The following NBEA variants were observed in gnomAD, a reference collection of about 807,000 sequenced individuals.
The protein encoded by NBEA is lysosomal-trafficking regulator 2.
A neutral mutation model predicts 343.4 loss-of-function variants in NBEA; 44 were observed. That is an observed-to-expected ratio of 0.13 (90% CI 0.10 to 0.16). NBEA has a LOEUF of 0.16. NBEA is among the 10% of genes least tolerant of loss of function. NBEA has a pLI of 1.00. For synonymous variants in NBEA, 1,175 were observed against 1,238.7 expected, an observed-to-expected ratio of 0.95 and a Z score of 1.08; for missense variants, 2,555 against 3,631.3, an observed-to-expected ratio of 0.70 and a Z score of 7.62.
rs759008760 is a variant in NBEA, at chr13:35,140,968, C to CT, written c.2337-1299dup. 5.3e-3 allele frequency among the ~76,000 whole-genome samples: 804 copies of CT among 152,258 alleles called. 3 individuals are homozygous for CT. Among genetic ancestry groups the CT allele is most frequent in the Non-Finnish European group, 8.4e-3 (571 of 68,030 alleles). On this transcript the variant is annotated intron_variant, in intron 17 of 58. Transcript: ENST00000379939. ...CCTTCTGTGGATTCTGTGTTGCTGG[C>CT]TTGGGGAAAGAGCATGGAAAATGTG...
At chr13:35,514,638 CTG>C (rs2077413988) in intron 41 of NBEA, among the ~76,000 whole-genome samples, 1 of 152,132 alleles carries the variant, frequency 6.6e-6, no homozygotes, top group African/African-American at 2.4e-5. Flanking sequence ...GAAATGGAAT[CTG>C]TTCATTTTTG....
chr13:35,192,370 C>G (rs1030276695), intron 30 of NBEA, among the ~76,000 whole-genome samples: 6 of 151,878 alleles, frequency 4.0e-5, no homozygotes, highest in Non-Finnish European at 7.4e-5. Flanking sequence ...GACTACTGAT[C>G]TGTTTTTTTA....
Position 35,461,721 on chromosome 13 carries a change from G to A in NBEA, c.6448+9486G>A, listed in dbSNP as rs915199783. Among the ~76,000 whole-genome samples the A allele has an allele frequency of 3.9e-5, 6 of 152,202 alleles. 1 individual carries two copies. The South Asian group carries it at 6.2e-4, about 16-fold the overall frequency. ...GGTCCTCTCCCTGAAAGACTTTGCC[G>A]CTTACTCAAACATAAAGTTAAAAAG... On this transcript the variant is annotated intron_variant, in intron 40 of 58. Coordinates refer to ENST00000379939, the MANE Select transcript of NBEA (RefSeq NM_001385012.1).
intron 34 of NBEA, among the ~76,000 whole-genome samples, chr13:35,284,513 A>G (rs2035290441): frequency 6.6e-6 from 1 of 152,218 alleles, no homozygotes; most frequent in Non-Finnish European, 1.5e-5. Context: ...CAGTTTTAAA[A>G]TAAAATACTT....
At chr13:35,447,455 A>T (rs1415950603) in intron 39 of NBEA, among the ~76,000 whole-genome samples, 1 of 151,874 alleles carries the variant, frequency 6.6e-6, no homozygotes, top group African/African-American at 2.4e-5. Flanking sequence ...GCAATGCAAT[A>T]TTCTGTATTA....
At chr13:35,404,024 A>G (rs2043130783) in intron 38 of NBEA, among the ~76,000 whole-genome samples, 2 of 18,322 alleles carry the variant, frequency 1.1e-4, no homozygotes, top group African/African-American at 1.5e-4. Flanking sequence ...TGGCCATCAG[A>G]GAAATGCAAA....
intron 47 of NBEA, among the ~76,000 whole-genome samples, chr13:35,603,474 T>C (rs1271368904): frequency 1.3e-5 from 2 of 152,202 alleles, no homozygotes; most frequent in Admixed American, 6.5e-5. Flanking sequence ...TGAAATTGCA[T>C]TGTAGTGGTA....
At chr13:35,459,809 C>A (rs906975256) in intron 40 of NBEA, among the ~76,000 whole-genome samples, 23 of 152,106 alleles carry the variant, frequency 1.5e-4, no homozygotes, top group African/African-American at 5.6e-4. Flanking sequence ...CTACAGAATT[C>A]TAAAAGCTAA....
In NBEA at chr13:35,563,143, A is replaced by ATAGG. The variant is rs778800854; in HGVS notation, c.6923-3759_6923-3758insGTAG. On this transcript the variant is annotated intron_variant, in intron 44 of 58. Transcript: ENST00000379939. The stretch of plus-strand genomic sequence containing the variant: ...TGTGTGTGTGTGTGGAGATAGATAG[A>ATAGG]TAGATAGATAGATAGATAGATAGAT... Among the ~76,000 whole-genome samples, 395 of 145,328 alleles carry ATAGG rather than the reference A, an allele frequency of 2.7e-3. 2 individuals are homozygous for ATAGG. The highest frequency in any genetic ancestry group is 3.8e-3 in the Non-Finnish European group (252 of 65,556).
At chr13:35,473,307 G>T (rs2075734617) in intron 41 of NBEA, among the ~76,000 whole-genome samples, 1 of 152,130 alleles carries the variant, frequency 6.6e-6, no homozygotes, top group Non-Finnish European at 1.5e-5. Context: ...GAATTCAACA[G>T]CATGAAGTGT....
At chr13:34,999,939 A>G (rs2061069923) in intron 1 of NBEA, among the ~76,000 whole-genome samples, 1 of 152,170 alleles carries the variant, frequency 6.6e-6, no homozygotes, top group Admixed American at 6.5e-5. Context: ...CTAAACTGTG[A>G]TGCCCATCAT....
At chr13:35,197,088 T>C (rs1431685966) in intron 31 of NBEA, among the ~76,000 whole-genome samples, 1 of 152,166 alleles carries the variant, frequency 6.6e-6, no homozygotes, top group East Asian at 1.9e-4. Context: ...TCTTCCACTA[T>C]TTAAAAACAT....
chr13:35,142,811 A>G (rs745309962), intron 18 of NBEA, among the ~76,000 whole-genome samples: 2 of 152,198 alleles, frequency 1.3e-5, no homozygotes, highest in Non-Finnish European at 2.9e-5. Context: ...AATTATTTGT[A>G]AAAATGATAT....
At chr13:35,195,250 T>C (rs550807281) in intron 30 of NBEA, among the ~76,000 whole-genome samples, 1 of 152,164 alleles carries the variant, frequency 6.6e-6, no homozygotes, top group African/African-American at 2.4e-5. Context: ...TTATTATTTA[T>C]AAGCTGCTTT....
chr13:35,010,463 C>A (rs534118797), intron 1 of NBEA, among the ~76,000 whole-genome samples: 17 of 151,180 alleles, frequency 1.1e-4, no homozygotes, highest in African/African-American at 4.1e-4. Context: ...CACCTGTAGT[C>A]CCAGCTACTT....
chr13:35,424,443 G>T (rs571162718), intron 38 of NBEA, among the ~76,000 whole-genome samples: 28 of 152,236 alleles, frequency 1.8e-4, no homozygotes, highest in Non-Finnish European at 3.5e-4. Flanking sequence ...TTATATGCTG[G>T]ATTACATTTA....
intron 33 of NBEA, among the ~76,000 whole-genome samples, chr13:35,215,119 G>A (rs1430834661): frequency 1.3e-5 from 2 of 150,944 alleles, no homozygotes; most frequent in African/African-American, 2.4e-5. Context: ...TACTTTTCTG[G>A]GTTAATTCGC....
intron 8 of NBEA, among the ~76,000 whole-genome samples, chr13:35,068,723 C>G (rs2063750378): frequency 2.0e-5 from 3 of 152,178 alleles, no homozygotes; most frequent in Admixed American, 2.0e-4. Context: ...GAAGTAAAAA[C>G]TGACATGTTT....
intron 35 of NBEA, 75 bp from the exon 36 acceptor site, chr13:35,309,453 A>C (rs915066835): frequency 6.5e-6 from 5 of 765,210 alleles, no homozygotes; most frequent in East Asian, 5.7e-5. Context: ...AACAATATCA[A>C]CATGATCCTT....
Sources: allele counts gnomAD v4.1 joint callset (sites outside exome capture counted in the v4.1 genomes callset), GRCh38; gene constraint gnomAD v4.1.1; transcripts MANE v1.5; gene names NCBI Gene and HGNC (gene_info 2026-07-23, HGNC 2026-07-21).